Variants in XYLT1 observed in about 807,000 individuals in gnomAD.
XYLT1 encodes the protein xylosyltransferase 1, also known as beta-D-xylosyltransferase 1.
XYLT1 carries 36 observed loss-of-function variants against 91.3 expected under a neutral mutation model. That is an observed-to-expected ratio of 0.39 (90% CI 0.30 to 0.52). XYLT1 has a LOEUF of 0.52. Among genes scored for constraint, XYLT1 ranks in the 20% least tolerant of loss-of-function variants. XYLT1 has a pLI of 0.68. For synonymous variants in XYLT1, 588 were observed against 532.0 expected (o/e 1.11, Z -1.45); for missense variants, 1,242 against 1,284.5 (o/e 0.97, Z 0.51).
At chr16:17,178,848 T>C (rs374954134) in intron 5 of XYLT1, among the ~76,000 whole-genome samples, 83 of 152,276 alleles carry the variant, frequency 5.5e-4, no homozygotes, top group African/African-American at 1.9e-3. Flanking sequence ...GGCAGGCAGA[T>C]GGCTTGAGCC....
intron 3 of XYLT1, 108 bp downstream of exon 3, chr16:17,258,880 A>T (rs1442138670): frequency 1.5e-6 from 2 of 1,315,640 alleles, no homozygotes; most frequent in Non-Finnish European, 2.0e-6. Context: ...GGTTTGGAAA[A>T]CAGGGTGGCC....
rs1462846164 is a variant in XYLT1, at chr16:17,117,878, T to A, written c.2325A>T (p.Gly775=). ...AAATGACGGTCACGGTCACATTAGG[T>A]CCCTTCCCCCACTTCTGCATACCCA... ...EPVGMQKWGK[G]PNVTVTVIWV... The change falls in exon 11 of 12, where the codon GGA becomes GGT. Residue 775 remains glycine (G), a synonymous_variant. Transcript: ENST00000261381. 1.9e-6 allele frequency: 3 copies of A among 1,613,938 alleles called. No homozygotes were observed. Among genetic ancestry groups the A allele is most frequent in the Non-Finnish European group, 2.5e-6 (3 of 1,179,990 alleles).
intron 1 of XYLT1, among the ~76,000 whole-genome samples, chr16:17,401,052 C>T (rs2035962803): frequency 6.6e-6 from 1 of 151,900 alleles, no homozygotes; most frequent in Non-Finnish European, 1.5e-5. Context: ...AATTCTTTAA[C>T]ATTAGTGTTT....
At chr16:17,117,533 C>A in intron 11 of XYLT1, 113 bp downstream of exon 11, 1 of 1,156,636 alleles carries the variant, frequency 8.6e-7, no homozygotes, top group South Asian at 1.6e-5. Flanking sequence ...GAGTGCTGTT[C>A]TGTGAGGCCG....
intron 1 of XYLT1, among the ~76,000 whole-genome samples, chr16:17,386,637 AT>A (rs2035750702): frequency 6.6e-6 from 1 of 151,652 alleles, no homozygotes; most frequent in African/African-American, 2.4e-5. Flanking sequence ...CCTACTCAGT[AT>A]TTCCGTTGCA....
In XYLT1 at chr16:17,371,576, A is replaced by C. The variant is rs1232413414; in HGVS notation, c.364-13526T>G. Among the ~76,000 whole-genome samples, 4 of 152,226 alleles carry C rather than the reference A, an allele frequency of 2.6e-5. No individual in the cohort carries two copies. The East Asian group carries it at 7.7e-4, about 29-fold the overall frequency. On this transcript the variant is annotated intron_variant, in intron 1 of 11. Coordinates refer to ENST00000261381, the MANE Select transcript of XYLT1 (RefSeq NM_022166.4). ...GGTTAGTCTTTATAGGATATGTAGC[A>C]TATCTGATGAGCTATGGTCTGTTAG...
chr16:17,122,120 C>G (rs1318677465), intron 10 of XYLT1, among the ~76,000 whole-genome samples: 3 of 152,134 alleles, frequency 2.0e-5, no homozygotes, highest in Admixed American at 6.5e-5. Context: ...GTAGATAGCC[C>G]ACAGTGGAAT....
rs71137987 is a variant in XYLT1, at chr16:17,379,763, T to TCACACACACA, written c.364-21723_364-21714dup. ...CTCTCTCTCTCTCTCTCTCTCTCTC[T>TCACACACACA]CACACACACACACACACACACACAC... On this transcript the variant is annotated intron_variant, in intron 1 of 11. Coordinates refer to ENST00000261381, the MANE Select transcript of XYLT1 (RefSeq NM_022166.4). Among the ~76,000 whole-genome samples the TCACACACACA allele has an allele frequency of 1.2e-3, 150 of 125,610 alleles. 2 individuals are homozygous for TCACACACACA. Among genetic ancestry groups the TCACACACACA allele is most frequent in the South Asian group, 3.9e-3 (14 of 3,618 alleles). 82.4% of individuals were successfully genotyped at this position (125,610 alleles called of 152,430 possible).
At chr16:17,136,769 G>T (rs2141511497) in intron 8 of XYLT1, among the ~76,000 whole-genome samples, 1 of 152,224 alleles carries the variant, frequency 6.6e-6, no homozygotes, top group South Asian at 2.1e-4. Context: ...CTTGACTCTA[G>T]ATCTTGGGGG....
At chr16:17,273,424 T>C (rs2033924622) in intron 2 of XYLT1, among the ~76,000 whole-genome samples, 1 of 152,220 alleles carries the variant, frequency 6.6e-6, no homozygotes, top group African/African-American at 2.4e-5. Context: ...TGTGGACCAC[T>C]GGCCAGCAAC....
At chr16:17,422,155 T>G (rs1371464059) in intron 1 of XYLT1, among the ~76,000 whole-genome samples, 1 of 151,934 alleles carries the variant, frequency 6.6e-6, no homozygotes, top group African/African-American at 2.4e-5. Context: ...GCTAATTTTT[T>G]GTATTTTTAG....
chr16:17,431,246 T>G (rs2036386138), intron 1 of XYLT1, among the ~76,000 whole-genome samples: 1 of 152,190 alleles, frequency 6.6e-6, no homozygotes, highest in Non-Finnish European at 1.5e-5. Flanking sequence ...AGGCCTTATT[T>G]TGCTGACCTA....
At chr16:17,277,629 A>G (rs2033997710) in intron 2 of XYLT1, among the ~76,000 whole-genome samples, 1 of 152,052 alleles carries the variant, frequency 6.6e-6, no homozygotes, top group Admixed American at 6.5e-5. Flanking sequence ...ACCTCCTGTG[A>G]TCCACCTGCC....
At chr16:17,277,780 T>A (rs940779368) in intron 2 of XYLT1, among the ~76,000 whole-genome samples, 1 of 152,176 alleles carries the variant, frequency 6.6e-6, no homozygotes, top group African/African-American at 2.4e-5. Flanking sequence ...TGTTCCTGCG[T>A]CATTAATTTG....
At chr16:17,405,991 C>G (rs1257893345) in intron 1 of XYLT1, among the ~76,000 whole-genome samples, 1 of 152,032 alleles carries the variant, frequency 6.6e-6, no homozygotes, top group East Asian at 1.9e-4. Context: ...TTGAGACCAG[C>G]CTGGCCAACA....
At chr16:17,114,770 C>A (rs1350764496) in intron 11 of XYLT1, among the ~76,000 whole-genome samples, 2 of 152,104 alleles carry the variant, frequency 1.3e-5, no homozygotes, top group African/African-American at 2.4e-5. Flanking sequence ...ATAGAGAGAC[C>A]CAGAAATCCT....
chr16:17,419,704 A>G (rs1018396686), intron 1 of XYLT1, among the ~76,000 whole-genome samples: 3 of 150,012 alleles, frequency 2.0e-5, no homozygotes, highest in Non-Finnish European at 4.5e-5. Flanking sequence ...TTTCTAAAAT[A>G]TAAGAAAAAG....
chr16:17,376,633 C>A (rs1319975808), intron 1 of XYLT1, among the ~76,000 whole-genome samples: 7 of 152,042 alleles, frequency 4.6e-5, no homozygotes, highest in Non-Finnish European at 1.0e-4. Flanking sequence ...TCAAGACCGG[C>A]CTGACCAAGA....
chr16:17,403,642 A>C (rs2035994787), intron 1 of XYLT1: 1 of 152,128 alleles, frequency 6.6e-6, no homozygotes, highest in African/African-American at 2.4e-5. Context: ...ATAACCTCCC[A>C]CCGGGTCCCT....
Sources: gnomAD v4.1 joint callset for allele counts (sites outside exome capture counted in the v4.1 genomes callset) on GRCh38, gnomAD v4.1.1 for gene constraint, MANE v1.5 for transcripts, NCBI Gene and HGNC (gene_info 2026-07-23, HGNC 2026-07-21) for gene names.